TNFAIP6: variants seen among roughly 807,000 people sequenced by gnomAD.
TNFAIP6 encodes the protein tumor necrosis factor-inducible gene 6 protein.
A neutral mutation model predicts 33.7 loss-of-function variants in TNFAIP6; 36 were observed. The ratio of observed to expected loss-of-function variants is 1.07; its 90% confidence interval spans 0.82 to 1.41. The LOEUF (loss-of-function observed/expected upper bound fraction) is 1.41, where lower values mean the gene tolerates loss of function less well. Among genes scored for constraint, TNFAIP6 ranks in the 40% most tolerant of loss-of-function variants. TNFAIP6 has a pLI of 0.00. For missense variants in TNFAIP6, 273 were observed against 331.9 expected (o/e 0.82, Z 1.38); for synonymous variants, 113 against 112.8 (o/e 1.00, Z -0.01).
At position 151,379,739 on chromosome 2, in the gene TNFAIP6, G is replaced by A. The variant is rs773496343; in HGVS notation, c.*206G>A. ...ATCCCACTGCATAGAAATAACAAGC[G>A]TTAACATTTTCATATTTTTTTCTTT... On this transcript the variant is annotated 3_prime_UTR_variant, in exon 6 of 6. Transcript: ENST00000243347. 2.3e-5 allele frequency: 8 copies of A among 346,320 alleles called. No individual in the cohort carries two copies. Among genetic ancestry groups the A allele is most frequent in the South Asian group, 1.7e-4 (2 of 11,712 alleles). The allele number at this position is 346,320 out of a possible 1,614,324, so 21.5% of individuals were successfully genotyped here. A position where few individuals can be genotyped will look rare whatever the true frequency, so the allele number is the denominator to read the frequency against.
chr2:151,357,663 C>T lies in TNFAIP6; in HGVS notation c.-4C>T, dbSNP rs367773713. 2.7e-5 allele frequency: 43 copies of T among 1,592,908 alleles called. No individual in the cohort carries two copies. Among genetic ancestry groups the T allele is most frequent in the Middle Eastern group, 1.7e-4 (1 of 6,030 alleles). ...CAGGCTGTTACTTCACTACAACTGA[C>T]GATATGATCATCTTAATTTACTTAT... On this transcript the variant is annotated 5_prime_UTR_variant, in exon 1 of 6. It adds an upstream start codon to the 5' untranslated region. Transcript: ENST00000243347.
At chr2:151,375,189 C>T (rs1684883838) in intron 5 of TNFAIP6, among the ~76,000 whole-genome samples, 2 of 142,012 alleles carry the variant, frequency 1.4e-5, no homozygotes, top group East Asian at 2.1e-4. Flanking sequence ...AAGTAGACAA[C>T]TTACTCCAAA....
intron 1 of TNFAIP6, among the ~76,000 whole-genome samples, chr2:151,362,480 CTTTTTTTTT>C (rs34640251): frequency 3.9e-4 from 22 of 56,942 alleles, no homozygotes; most frequent in African/African-American, 1.4e-3. Flanking sequence ...TTACTAAATT[CTTTTTTTTT>C]TTTTTTTTTT....
Position 151,370,205 on chromosome 2 carries a change from GA to G in TNFAIP6, c.583del (p.Ile195TyrfsTer31), listed in dbSNP as rs1233479465. On this transcript the variant is annotated frameshift_variant, in exon 4 of 6. Coordinates refer to ENST00000243347, the MANE Select transcript of TNFAIP6 (RefSeq NM_007115.4). LOFTEE classifies it high-confidence loss of function. ...DDPGCLADYV[E>X]IYDSYDDVHG... is the part of the protein sequence containing the mutation. ...CCCAGGTTGCTTGGCTGATTATGTTGAAATATATGACAGTTACGATGATGTC... is the reference window on the plus strand; with the variant it reads ...CCCAGGTTGCTTGGCTGATTATGTTGAATATATGACAGTTACGATGATGTC... The G allele has an allele frequency of 6.2e-7, 1 of 1,613,994 alleles. No homozygotes were observed. Among genetic ancestry groups the G allele is most frequent in the Non-Finnish European group, 8.5e-7 (1 of 1,180,028 alleles).
chr2:151,371,969 A>C (rs148977996), intron 4 of TNFAIP6: 10 of 152,368 alleles, frequency 6.6e-5, no homozygotes, highest in Admixed American at 1.3e-4. Context: ...ATGAAGACAC[A>C]AAGTAGAGTT....
chr2:151,376,879 T>TG (rs1274024332), intron 5 of TNFAIP6, among the ~76,000 whole-genome samples: 3 of 147,706 alleles, frequency 2.0e-5, no homozygotes, highest in Non-Finnish European at 3.0e-5. Flanking sequence ...TTTTTTTTTT[T>TG]TTTTTTGTTT....
chr2:151,370,351 T>A (rs1684795660), intron 4 of TNFAIP6, 103 bp downstream of exon 4: 7 of 853,652 alleles, frequency 8.2e-6, no homozygotes, highest in Non-Finnish European at 1.3e-5. Flanking sequence ...GATTTTGGAA[T>A]AGTTCTACTC....
At chr2:151,360,105 C>G (rs1684603169) in intron 1 of TNFAIP6, among the ~76,000 whole-genome samples, 1 of 152,072 alleles carries the variant, frequency 6.6e-6, no homozygotes, top group Non-Finnish European at 1.5e-5. Flanking sequence ...AAAGACCAGC[C>G]TGGGCAACAT....
intron 4 of TNFAIP6, among the ~76,000 whole-genome samples, chr2:151,371,287 T>C (rs1558900553): frequency 1.3e-5 from 2 of 152,158 alleles, no homozygotes; most frequent in Non-Finnish European, 2.9e-5. Flanking sequence ...TATGATATAT[T>C]GCAAATTAAA....
At chr2:151,380,244 A>G (rs1176475615), downstream of TNFAIP6, among the ~76,000 whole-genome samples, 1 of 151,936 alleles carries the variant, frequency 6.6e-6, no homozygotes, top group Non-Finnish European at 1.5e-5. Context: ...TTATTTTTCC[A>G]TGCCTTTTTT....
At chr2:151,375,125 C>CAAAAA (rs71403161) in intron 5 of TNFAIP6, among the ~76,000 whole-genome samples, 2 of 78,930 alleles carry the variant, frequency 2.5e-5, no homozygotes, top group Admixed American at 1.6e-4. Context: ...AACTCCGTCT[C>CAAAAA]AAAAAAAAAA....
intron 5 of TNFAIP6, among the ~76,000 whole-genome samples, chr2:151,376,418 CAAAAAA>C (rs34551708): frequency 2.6e-5 from 3 of 114,880 alleles, no homozygotes; most frequent in Non-Finnish European, 3.7e-5. Context: ...TATTCTGTCT[CAAAAAA>C]AAAAAAAAAA....
intron 2 of TNFAIP6, among the ~76,000 whole-genome samples, 172 bp downstream of exon 2, chr2:151,364,252 C>A (rs953330059): frequency 4.6e-5 from 7 of 152,184 alleles, no homozygotes; most frequent in African/African-American, 1.7e-4. Flanking sequence ...AGTTGGCAGA[C>A]AGTTCCTAGT....
At chr2:151,366,891 A>G (rs1017320625) in intron 3 of TNFAIP6, among the ~76,000 whole-genome samples, 4 of 152,160 alleles carry the variant, frequency 2.6e-5, no homozygotes, top group African/African-American at 9.7e-5. Context: ...AAATTAACTC[A>G]TAATTACTAT....
intron 1 of TNFAIP6, among the ~76,000 whole-genome samples, chr2:151,360,792 C>T (rs1357433003): frequency 6.6e-6 from 1 of 151,904 alleles, no homozygotes; most frequent in Admixed American, 6.6e-5. Context: ...TTTGCTATTT[C>T]TGTTATTATG....
intron 2 of TNFAIP6, among the ~76,000 whole-genome samples, chr2:151,365,041 C>T (rs1369602512): frequency 1.3e-5 from 2 of 152,156 alleles, no homozygotes; most frequent in Non-Finnish European, 2.9e-5. Context: ...GAGAATTTAT[C>T]TTTATTCAAA....
rs34640251 is a variant in TNFAIP6 at position 151,362,480 on chromosome 2, C to CTTTTTTTTTTTTTTTTTTTTTT, written c.95-1454_95-1433dup. Among the ~76,000 whole-genome samples, 7 of 56,944 alleles carry CTTTTTTTTTTTTTTTTTTTTTT rather than the reference C, an allele frequency of 1.2e-4. 2 individuals are homozygous for CTTTTTTTTTTTTTTTTTTTTTT. Among genetic ancestry groups the CTTTTTTTTTTTTTTTTTTTTTT allele is most frequent in the African/African-American group, 5.0e-4 (6 of 12,096 alleles). 37.4% of individuals were successfully genotyped at this position (56,944 alleles called of 152,430 possible). On this transcript the variant is annotated intron_variant, in intron 1 of 5. Coordinates refer to ENST00000243347, the MANE Select transcript of TNFAIP6 (RefSeq NM_007115.4). ...CAGTTTTTATTTGTCTTACTAAATT[C>CTTTTTTTTTTTTTTTTTTTTTT]TTTTTTTTTTTTTTTTTTTTTTTTT...
At chr2:151,379,125 A>G (rs1194197658) in intron 5 of TNFAIP6, among the ~76,000 whole-genome samples, 2 of 152,100 alleles carry the variant, frequency 1.3e-5, no homozygotes, top group African/African-American at 2.4e-5. Context: ...AATAAATACA[A>G]TAGACAAAAT....
chr2:151,360,346 C>T (rs1039603180), intron 1 of TNFAIP6, among the ~76,000 whole-genome samples: 2 of 152,094 alleles, frequency 1.3e-5, no homozygotes, highest in Non-Finnish European at 2.9e-5. Context: ...TGAGTTCCTT[C>T]TATGGTCCAG....
Sources: gnomAD v4.1 joint callset for allele counts (sites outside exome capture counted in the v4.1 genomes callset) on GRCh38, gnomAD v4.1.1 for gene constraint, MANE v1.5 for transcripts, NCBI Gene and HGNC (gene_info 2026-07-23, HGNC 2026-07-21) for gene names.